Variants in DLGAP1 observed in about 807,000 individuals in gnomAD.
The protein encoded by DLGAP1 is disks large-associated protein 1.
A neutral mutation model predicts 90.8 loss-of-function variants in DLGAP1; 11 were observed. The observed-to-expected ratio is 0.12, with a 90% CI of 0.08 to 0.20. DLGAP1 has a LOEUF of 0.20. Ranked by LOEUF, DLGAP1 falls within the 10% of genes least tolerant of loss-of-function variation. DLGAP1 has a pLI of 1.00. For synonymous variants in DLGAP1, 558 were observed against 540.7 expected, an observed-to-expected ratio of 1.03 and a Z score of -0.44; for missense variants, 1,050 against 1,333.8, an observed-to-expected ratio of 0.79 and a Z score of 3.31.
At chr18:3,678,015 G>A (rs2060374782) in intron 7 of DLGAP1, among the ~76,000 whole-genome samples, 1 of 140,836 alleles carries the variant, frequency 7.1e-6, no homozygotes. Context: ...AGGCTGGAGT[G>A]CAATGGTGCA....
At chr18:4,128,717 C>A (rs1598447383) in intron 2 of DLGAP1, among the ~76,000 whole-genome samples, 2 of 152,112 alleles carry the variant, frequency 1.3e-5, no homozygotes, top group African/African-American at 4.8e-5. Flanking sequence ...CAAGTTAATA[C>A]CCCAGACCTC....
At chr18:4,361,989 A>G (rs1036132245) in intron 1 of DLGAP1, among the ~76,000 whole-genome samples, 1 of 152,226 alleles carries the variant, frequency 6.6e-6, no homozygotes, top group African/African-American at 2.4e-5. Context: ...AAGATGGTCA[A>G]CATCACTAAT....
chr18:3,497,013 T>C lies in DLGAP1; in HGVS notation c.*2172A>G, dbSNP rs1273682471. The C allele has an allele frequency of 6.6e-6, 1 of 152,234 alleles. No individual in the cohort carries two copies. Among genetic ancestry groups the C allele is most frequent in the Non-Finnish European group, 1.5e-5 (1 of 68,040 alleles). 9.4% of individuals were successfully genotyped at this position (152,234 alleles called of 1,614,324 possible). A position where few individuals can be genotyped will look rare whatever the true frequency, so the allele number is the denominator to read the frequency against. On this transcript the variant is annotated 3_prime_UTR_variant, in exon 13 of 13. Transcript: ENST00000315677. ...CAAAGAAAATATTGTAGGATGATCT[T>C]GAGTCGTATTAGAAATCTATTTCTT...
intron 1 of DLGAP1, among the ~76,000 whole-genome samples, chr18:4,360,320 G>A (rs2081605062): frequency 6.6e-6 from 1 of 152,126 alleles, no homozygotes; most frequent in African/African-American, 2.4e-5. Context: ...ATTTTATAGG[G>A]TTACATTAGA....
intron 10 of DLGAP1, among the ~76,000 whole-genome samples, chr18:3,508,996 T>A (rs482997): frequency 0.14 from 21,102 of 151,530 alleles, 2,003 homozygotes; most frequent in Non-Finnish European, 0.21. Context: ...TTTTTTTTTT[T>A]AAACTTCCTT....
chr18:3,577,578 C>T (rs182364027), intron 8 of DLGAP1, among the ~76,000 whole-genome samples: 320 of 152,274 alleles, frequency 2.1e-3, no homozygotes, highest in Middle Eastern at 0.01. Flanking sequence ...TGAAGAAGCA[C>T]GATCCTCAAT....
chr18:3,905,691 A>C (rs943068500), intron 3 of DLGAP1, among the ~76,000 whole-genome samples: 1 of 152,198 alleles, frequency 6.6e-6, no homozygotes, highest in Non-Finnish European at 1.5e-5. Context: ...CTAAGCAGTG[A>C]ATTTCGAACT....
chr18:4,323,448 T>C (rs58585174), intron 1 of DLGAP1, among the ~76,000 whole-genome samples: 18,028 of 152,198 alleles, frequency 0.12, 1,156 homozygotes, highest in East Asian at 0.19. Context: ...TATAAAGGAA[T>C]TGAAATCAGT....
At chr18:4,228,154 C>A (rs576786197) in intron 1 of DLGAP1, among the ~76,000 whole-genome samples, 1 of 151,448 alleles carries the variant, frequency 6.6e-6, no homozygotes, top group African/African-American at 2.4e-5. Context: ...GATTGAGCCA[C>A]GAAAAAATCC....
At chr18:4,307,514 A>G (rs1358710000) in intron 1 of DLGAP1, among the ~76,000 whole-genome samples, 1 of 152,174 alleles carries the variant, frequency 6.6e-6, no homozygotes, top group Non-Finnish European at 1.5e-5. Flanking sequence ...GGTGCTTTAC[A>G]TAAATTATTT....
intron 3 of DLGAP1, among the ~76,000 whole-genome samples, chr18:3,980,620 G>A (rs2073707323): frequency 6.6e-6 from 1 of 151,992 alleles, no homozygotes; most frequent in Non-Finnish European, 1.5e-5. Context: ...TTCCGGAAAG[G>A]AAAAAAACCA....
chr18:4,101,849 T>A (rs1320797262), intron 2 of DLGAP1, among the ~76,000 whole-genome samples: 1 of 151,906 alleles, frequency 6.6e-6, no homozygotes, highest in Non-Finnish European at 1.5e-5. Flanking sequence ...TAAATCCATA[T>A]GCATTTGTAC....
At chr18:3,863,582 G>A (rs1244464949) in intron 4 of DLGAP1, among the ~76,000 whole-genome samples, 4 of 152,194 alleles carry the variant, frequency 2.6e-5, no homozygotes, top group South Asian at 2.1e-4. Flanking sequence ...TAAATTCTCT[G>A]GGTGCACAGT....
At chr18:4,239,135 C>T (rs2145115006) in intron 1 of DLGAP1, among the ~76,000 whole-genome samples, 1 of 152,196 alleles carries the variant, frequency 6.6e-6, no homozygotes, top group South Asian at 2.1e-4. Context: ...GCTCTGATTG[C>T]AAGATTTAAT....
chr18:4,239,132 T>C (rs1363881877), intron 1 of DLGAP1, among the ~76,000 whole-genome samples: 1 of 152,150 alleles, frequency 6.6e-6, no homozygotes, highest in Non-Finnish European at 1.5e-5. Context: ...GCAGCTCTGA[T>C]TGCAAGATTT....
chr18:4,190,361 G>A (rs1016519829), intron 1 of DLGAP1, among the ~76,000 whole-genome samples: 1 of 152,020 alleles, frequency 6.6e-6, no homozygotes, highest in African/African-American at 2.4e-5. Flanking sequence ...GGGTTCAGAA[G>A]GTTCAGGGGA....
At chr18:3,938,278 C>A in intron 3 of DLGAP1, among the ~76,000 whole-genome samples, 1 of 152,266 alleles carries the variant, frequency 6.6e-6, no homozygotes, top group East Asian at 1.9e-4. Flanking sequence ...ATGGGGGTTG[C>A]AGCTCAGTGG....
intron 2 of DLGAP1, among the ~76,000 whole-genome samples, chr18:4,049,885 C>T (rs992510960): frequency 2.6e-5 from 4 of 151,712 alleles, no homozygotes; most frequent in East Asian, 1.9e-4. Flanking sequence ...TGTCTATTCA[C>T]GTATCTACCT....
chr18:4,268,688 T>C (rs2079186210), intron 1 of DLGAP1, among the ~76,000 whole-genome samples: 2 of 152,198 alleles, frequency 1.3e-5, no homozygotes, highest in African/African-American at 4.8e-5. Context: ...ATATTAAATA[T>C]AGAAACTATT....
Sources: allele counts gnomAD v4.1 joint callset (sites outside exome capture counted in the v4.1 genomes callset), GRCh38; gene constraint gnomAD v4.1.1; transcripts MANE v1.5; gene names NCBI Gene and HGNC (gene_info 2026-07-23, HGNC 2026-07-21).